Variants in KLHL4 observed in about 807,000 individuals in gnomAD.
KLHL4 encodes the protein kelch like family member 4, also known as kelch-like protein 4.
Under a neutral mutation model 45.8 loss-of-function variants are expected in KLHL4, and 17 were observed. That is an observed-to-expected ratio of 0.37 (90% CI 0.25 to 0.56). The LOEUF (loss-of-function observed/expected upper bound fraction) is 0.56, where lower values mean the gene tolerates loss of function less well. KLHL4 is among the 20% of genes least tolerant of loss of function. KLHL4 has a pLI of 0.79. For synonymous variants in KLHL4, 224 were observed against 189.9 expected, an observed-to-expected ratio of 1.18 and a Z score of -1.47; for missense variants, 544 against 544.9, an observed-to-expected ratio of 1.00 and a Z score of 0.02.
intron 1 of KLHL4, among the ~76,000 whole-genome samples, chrX:87,534,088 C>T (rs896678698): frequency 1.8e-5 from 2 of 111,234 alleles, no homozygotes; most frequent in East Asian, 2.9e-4. Flanking sequence ...AAAGAAAACA[C>T]GTTTGTTAAA....
chrX:87,581,764 A>G (rs924715886), intron 1 of KLHL4, among the ~76,000 whole-genome samples: 1 of 112,357 alleles, frequency 8.9e-6, no homozygotes, highest in Non-Finnish European at 1.9e-5. Flanking sequence ...GAATCAGCAC[A>G]AAAATGCTGA....
At chrX:87,586,555 A>G (rs1257827160) in intron 1 of KLHL4, among the ~76,000 whole-genome samples, 2 of 111,429 alleles carry the variant, frequency 1.8e-5, no homozygotes, top group Non-Finnish European at 3.8e-5. Context: ...ATTAAGATGG[A>G]AATTAACAAA....
rs892985193 is a variant in KLHL4 at position 87,585,135 on chromosome X, G to T, written c.423-28742G>T. Among the ~76,000 whole-genome samples the T allele has an allele frequency of 3.6e-5, 4 of 111,460 alleles. No homozygotes were observed. In the South Asian group the frequency reaches 1.5e-3, roughly 41 times the overall value. On this transcript the variant is annotated intron_variant, in intron 1 of 10. Transcript: ENST00000373119. ...CTTTTACTCTAGAATAATATATCTG[G>T]TGAAAATATTATTCAAACATGAAAA... is the stretch of plus-strand genomic sequence containing the variant.
chrX:87,600,484 C>CA (rs148536239), intron 1 of KLHL4, among the ~76,000 whole-genome samples: 15,894 of 69,684 alleles, frequency 0.23, 1,557 homozygotes, highest in South Asian at 0.35. Flanking sequence ...CTTCGTCTCA[C>CA]AAAAAAAAAA....
chrX:87,648,215 C>A (rs1923699568), intron 9 of KLHL4, among the ~76,000 whole-genome samples: 1 of 110,779 alleles, frequency 9.0e-6, no homozygotes, highest in Non-Finnish European at 1.9e-5. Flanking sequence ...ATAATATTAA[C>A]CTAAGACCAA....
intron 1 of KLHL4, among the ~76,000 whole-genome samples, chrX:87,597,382 G>C (rs968916832): frequency 9.0e-5 from 10 of 110,866 alleles, no homozygotes; most frequent in African/African-American, 2.9e-4. Context: ...AACATGGTTT[G>C]TCTAGGTCTC....
rs181589380 is a variant in KLHL4 at position 87,623,019 on chromosome X, A to G, written c.1137+596A>G. On this transcript the variant is annotated intron_variant, in intron 5 of 10. Transcript: ENST00000373119. ...TGCAGTCTCACCACATAATTTCACC[A>G]TTGGTGATAACCACAGATTTTTCTC... is the stretch of plus-strand genomic sequence containing the variant. Among the ~76,000 whole-genome samples, 4 of 111,678 alleles carry G rather than the reference A, an allele frequency of 3.6e-5. No homozygotes were observed. In the East Asian group the frequency reaches 1.1e-3, roughly 32 times the overall value.
intron 3 of KLHL4, 120 bp from the exon 4 acceptor site, chrX:87,617,812 C>A: frequency 1.9e-6 from 1 of 538,345 alleles, no homozygotes; most frequent in Non-Finnish European, 2.9e-6. Flanking sequence ...AAATGTGCTC[C>A]AAATCTGCTG....
intron 9 of KLHL4, among the ~76,000 whole-genome samples, chrX:87,647,412 T>G (rs1319018933): frequency 9.0e-6 from 1 of 111,658 alleles, no homozygotes; most frequent in Non-Finnish European, 1.9e-5. Context: ...AAGAAGTAAT[T>G]ATACAAAAAA....
intron 8 of KLHL4, among the ~76,000 whole-genome samples, chrX:87,634,898 A>T (rs763853271): frequency 8.9e-6 from 1 of 111,873 alleles, no homozygotes; most frequent in South Asian, 3.8e-4. Flanking sequence ...ACAACTCAGC[A>T]TGAAGGGAAG....
At chrX:87,655,199 C>T (rs1356201743) in intron 9 of KLHL4, among the ~76,000 whole-genome samples, 1 of 111,686 alleles carries the variant, frequency 9.0e-6, no homozygotes, top group Non-Finnish European at 1.9e-5. Context: ...CTTTTGAGGT[C>T]TTAGTCAGGA....
At position 87,633,885 on chromosome X, in the gene KLHL4, A is replaced by C. The variant is rs371070360; in HGVS notation, c.1686A>C (p.Thr562=). ...CCAGTATGTCAACTCCTAGAAGCAC[A>C]GTTGGTGTTGTTGCATTAAACAACA... ...YVASMSTPRS[T]VGVVALNNKL... is the part of the protein sequence containing the mutation. Residue 562 remains threonine (T), a synonymous_variant, in exon 8 of 11, where the codon ACA becomes ACC. Transcript: ENST00000373119. The C allele has an allele frequency of 1.3e-5, 16 of 1,204,737 alleles. No homozygotes were observed. In the African/African-American group the frequency reaches 2.8e-4, roughly 21 times the overall value.
rs975374102 is a variant in KLHL4 at position 87,618,482 on chromosome X, A to T, written c.924+354A>T. On this transcript the variant is annotated intron_variant, in intron 4 of 10. Coordinates refer to ENST00000373119, the MANE Select transcript of KLHL4 (RefSeq NM_019117.5). ...CGAATTATGATTTATAAAGAAAGTG[A>T]GGTGTCATTCAGTAAGGAAAAATGC... Among the ~76,000 whole-genome samples, 25 of 112,004 alleles carry T rather than the reference A, an allele frequency of 2.2e-4. No homozygotes were observed. In the Admixed American group the frequency reaches 2.3e-3, roughly 10 times the overall value.
At chrX:87,594,484 G>T (rs1474291603) in intron 1 of KLHL4, among the ~76,000 whole-genome samples, 3 of 111,479 alleles carry the variant, frequency 2.7e-5, no homozygotes, top group African/African-American at 6.5e-5. Context: ...GTGTTAAACT[G>T]CAGTGTGTAG....
intron 5 of KLHL4, among the ~76,000 whole-genome samples, chrX:87,623,042 C>T (rs1328466026): frequency 6.3e-5 from 7 of 111,394 alleles, no homozygotes; most frequent in Admixed American, 2.9e-4. Flanking sequence ...ACAGATTTTT[C>T]TCTGTAGCAA....
rs184441140 is a variant in KLHL4, at chrX:87,542,549, C to A, written c.422+24234C>A. Reference sequence around the variant, plus strand: ...GGAGCTTTAAAATCTAATGACAGCCCAGCTGTGTTTTGGACATGCATGGGT... The same window carrying A: ...GGAGCTTTAAAATCTAATGACAGCCAAGCTGTGTTTTGGACATGCATGGGT... On this transcript the variant is annotated intron_variant, in intron 1 of 10. Transcript: ENST00000373119. 5.3e-5 allele frequency among the ~76,000 whole-genome samples: 6 copies of A among 112,546 alleles called. No homozygotes were observed. The Admixed American group carries it at 5.6e-4, about 11-fold the overall frequency.
At chrX:87,547,479 G>A (rs1467691790) in intron 1 of KLHL4, among the ~76,000 whole-genome samples, 1 of 111,306 alleles carries the variant, frequency 9.0e-6, no homozygotes, top group African/African-American at 3.3e-5. Flanking sequence ...CTTCTTTACA[G>A]ACATGGGAAA....
At chrX:87,599,923 A>G (rs1242991441) in intron 1 of KLHL4, among the ~76,000 whole-genome samples, 3 of 112,723 alleles carry the variant, frequency 2.7e-5, no homozygotes, top group Non-Finnish European at 3.7e-5. Flanking sequence ...ATTCAATTAC[A>G]TTAGATTAGG....
chrX:87,625,585 T>C, intron 5 of KLHL4, 25 bp from the exon 6 acceptor site: 2 of 1,147,002 alleles, frequency 1.7e-6, no homozygotes, highest in Non-Finnish European at 2.4e-6. Flanking sequence ...TCTCCATTCA[T>C]ATACCATGCA....
Sources: gnomAD v4.1 joint callset for allele counts (sites outside exome capture counted in the v4.1 genomes callset) on GRCh38, gnomAD v4.1.1 for gene constraint, MANE v1.5 for transcripts, NCBI Gene and HGNC (gene_info 2026-07-23, HGNC 2026-07-21) for gene names.